The following GGNBP2 variants were observed in gnomAD, a reference collection of about 807,000 sequenced individuals.
The protein encoded by GGNBP2 is gametogenetin-binding protein 2.
A neutral mutation model predicts 85.9 loss-of-function variants in GGNBP2; 10 were observed. That is an observed-to-expected ratio of 0.12 (90% CI 0.07 to 0.20). The LOEUF (loss-of-function observed/expected upper bound fraction) is 0.20, where lower values mean the gene tolerates loss of function less well. GGNBP2 is among the 10% of genes least tolerant of loss of function. GGNBP2 has a pLI of 1.00. For synonymous variants in GGNBP2, 287 were observed against 285.7 expected (o/e 1.00, Z -0.05); for missense variants, 595 against 857.8 (o/e 0.69, Z 3.83).
intron 6 of GGNBP2, chr17:36,577,013 AG>A (rs1234071251): frequency 6.6e-6 from 1 of 152,228 alleles, no homozygotes; most frequent in Non-Finnish European, 1.5e-5. Flanking sequence ...ATGGAGCTGT[AG>A]AGTCACAAGT....
At chr17:36,576,381 G>C (rs528977425) in intron 6 of GGNBP2, among the ~76,000 whole-genome samples, 14 of 86,978 alleles carry the variant, frequency 1.6e-4, no homozygotes, top group Non-Finnish European at 1.7e-4. Flanking sequence ...GCGAAACCCT[G>C]TCTCTACTAA....
At chr17:36,556,682 G>A (rs1013246409) in intron 3 of GGNBP2, among the ~76,000 whole-genome samples, 2 of 150,590 alleles carry the variant, frequency 1.3e-5, no homozygotes, top group South Asian at 4.2e-4. Context: ...CCAGCCTGGC[G>A]AGAGAGCAAG....
At chr17:36,545,923 A>G (rs1388662847) in intron 2 of GGNBP2, 106 bp downstream of exon 2, 4 of 780,614 alleles carry the variant, frequency 5.1e-6, no homozygotes, top group Non-Finnish European at 6.2e-6. Flanking sequence ...AGTGTGTTGC[A>G]ACTCCTAGGC....
chr17:36,568,148 T>C (rs1001537101), intron 6 of GGNBP2, among the ~76,000 whole-genome samples: 2 of 152,158 alleles, frequency 1.3e-5, no homozygotes, highest in African/African-American at 2.4e-5. Flanking sequence ...ATGGTTTAGA[T>C]CTGCTGACCT....
In GGNBP2 at chr17:36,578,181, A is replaced by C; in HGVS notation, c.840A>C (p.Ala280=). The C allele has an allele frequency of 1.9e-6, 3 of 1,608,334 alleles. No individual in the cohort carries two copies. The highest frequency in any genetic ancestry group is 1.7e-6 in the Non-Finnish European group (2 of 1,175,154). Residue 280 remains alanine, a synonymous_variant, in exon 7 of 14, where the codon GCA becomes GCC. Transcript: ENST00000613102. The part of the protein sequence containing the change: ...HLLGRAEPEF[A]GGRRERHAKT... The stretch of plus-strand genomic sequence containing the variant: ...TGGGTCGTGCTGAGCCAGAGTTCGC[A>C]GGAGGGTATGAGTATGTAATTTGCT...
chr17:36,559,828 T>C (rs899025875), intron 4 of GGNBP2, among the ~76,000 whole-genome samples: 1 of 152,070 alleles, frequency 6.6e-6, no homozygotes, highest in Non-Finnish European at 1.5e-5. Flanking sequence ...ATTTAGCTTT[T>C]ATTCTATCTT....
At chr17:36,547,067 T>C (rs1194801699) in intron 2 of GGNBP2, 1 of 152,222 alleles carries the variant, frequency 6.6e-6, no homozygotes, top group African/African-American at 2.4e-5. Context: ...TGAAAAAAGG[T>C]AGAATGATTT....
chr17:36,545,962 A>C, intron 2 of GGNBP2, 145 bp downstream of exon 2: 1 of 600,716 alleles, frequency 1.7e-6, no homozygotes, highest in Non-Finnish European at 2.9e-6. Context: ...GGCCCCACAA[A>C]CTCGCCTTTG....
chr17:36,569,845 T>TG (rs1421936282), intron 6 of GGNBP2, among the ~76,000 whole-genome samples: 2 of 152,200 alleles, frequency 1.3e-5, no homozygotes, highest in African/African-American at 4.8e-5. Context: ...GCACATGTTT[T>TG]GGAGTTTCTT....
chr17:36,555,478 G>A (rs1325147193), intron 3 of GGNBP2, among the ~76,000 whole-genome samples: 1 of 152,218 alleles, frequency 6.6e-6, no homozygotes, highest in Non-Finnish European at 1.5e-5. Context: ...TGGATCGCTT[G>A]AGTTCAGTAG....
At chr17:36,546,100 T>A in intron 2 of GGNBP2, 1 of 436,634 alleles carries the variant, frequency 2.3e-6, no homozygotes, top group Non-Finnish European at 4.1e-6. Context: ...GCTGCTTTTG[T>A]CAAAGCACAC....
At chr17:36,545,470 T>A (rs2074241641) in intron 1 of GGNBP2, 149 bp from the exon 2 acceptor site, 1 of 408,428 alleles carries the variant, frequency 2.4e-6, no homozygotes. Flanking sequence ...CCGGCGGCGC[T>A]GGGCGCTGAT....
chr17:36,584,273 T>A (rs1476950170), intron 9 of GGNBP2, among the ~76,000 whole-genome samples: 5 of 152,226 alleles, frequency 3.3e-5, no homozygotes, highest in African/African-American at 1.2e-4. Flanking sequence ...CCTCAAAAAG[T>A]GGCACAAGTA....
At chr17:36,566,687 A>C (rs913231471) in intron 5 of GGNBP2, among the ~76,000 whole-genome samples, 2 of 152,048 alleles carry the variant, frequency 1.3e-5, no homozygotes, top group African/African-American at 4.8e-5. Context: ...TCTCAAAAAA[A>C]AAAAAATTAC....
Position 36,585,328 on chromosome 17 carries a change from G to A in GGNBP2, c.1244G>A (p.Cys415Tyr). The A allele has an allele frequency of 1.2e-6, 2 of 1,612,058 alleles. No individual in the cohort carries two copies. The highest frequency in any genetic ancestry group is 1.7e-5 in the Admixed American group (1 of 59,532). ...ACAGACTTCATAGAAAATAGCAGCT[G>A]CAAAGCCTGTGGCAGCACTGAAGAT... is the stretch of plus-strand genomic sequence containing the variant. Reference protein sequence around the residue: ...KETDFIENSSCKACGSTEDGN... With the variant: ...KETDFIENSSYKACGSTEDGN... The change falls in exon 10 of 14, where the codon TGC (cysteine) becomes TAC (tyrosine). Residue 415 changes from cysteine (C) to tyrosine (Y), a missense_variant. Cys to Tyr is a radical substitution (Grantham distance 194, BLOSUM62 -2). This residue lies in a region of GGNBP2 where 85 missense variants were observed against 92.6 expected (regional missense o/e 0.92). Transcript: ENST00000613102.
intron 2 of GGNBP2, chr17:36,547,294 CT>C (rs1420421234): frequency 9.2e-5 from 14 of 152,058 alleles, no homozygotes; most frequent in Non-Finnish European, 1.9e-4. Context: ...AACATAAACA[CT>C]TTTCTGAAGC....
chr17:36,567,873 CT>C (rs1286730901), intron 6 of GGNBP2, 97 bp downstream of exon 6: 8 of 600,870 alleles, frequency 1.3e-5, no homozygotes, highest in Non-Finnish European at 2.4e-5. Flanking sequence ...TAATAGCATT[CT>C]AGCCTTCCCT....
intron 9 of GGNBP2, chr17:36,582,233 A>G (rs1437043789): frequency 1.3e-5 from 2 of 152,104 alleles, no homozygotes; most frequent in African/African-American, 4.8e-5. Flanking sequence ...TGTAAAAGCT[A>G]TGTAAGGCTG....
chr17:36,586,953 A>G (rs927304055), intron 12 of GGNBP2, 44 bp from the exon 13 acceptor site: 7 of 1,522,844 alleles, frequency 4.6e-6, no homozygotes, highest in Non-Finnish European at 5.4e-6. Flanking sequence ...AATTGCTATT[A>G]TATCATGCCT....
Sources: gnomAD v4.1 joint callset for allele counts (sites outside exome capture counted in the v4.1 genomes callset) on GRCh38, gnomAD v4.1.1 for gene constraint, gnomAD v4.1.1 regional missense constraint, MANE v1.5 for transcripts, NCBI Gene and HGNC (gene_info 2026-07-23, HGNC 2026-07-21) for gene names.